Variants in LDLRAD4 observed in about 807,000 individuals in gnomAD.
LDLRAD4 encodes the protein low-density lipoprotein receptor class A domain-containing protein 4.
Under a neutral mutation model 17.0 loss-of-function variants are expected in LDLRAD4, and 5 were observed. That is an observed-to-expected ratio of 0.29 (90% CI 0.15 to 0.62). The LOEUF is 0.62. LDLRAD4 is among the 20% of genes least tolerant of loss of function. The probability of loss-of-function intolerance (pLI) is 0.84; values close to 1 mark genes in which losing one functional copy is unlikely to be tolerated. For synonymous variants in LDLRAD4, 168 were observed against 171.8 expected, an observed-to-expected ratio of 0.98 and a Z score of 0.17; for missense variants, 340 against 424.7, an observed-to-expected ratio of 0.80 and a Z score of 1.75.
chr18:13,612,262 A>C, intron 3 of LDLRAD4: 1 of 1,000,680 alleles, frequency 1.0e-6, no homozygotes, highest in Non-Finnish European at 1.2e-6. Flanking sequence ...TGACACGTCC[A>C]GGTGTGAGGC....
rs1331213276 is a variant in LDLRAD4 at position 13,300,197 on chromosome 18, G to A, written c.-383+22009G>A. On this transcript the variant is annotated intron_variant, in intron 1 of 5. Transcript: ENST00000359446. The surrounding 1 kb of genome is among the most constrained non-coding windows in gnomAD (Gnocchi z 4.2). ...CTGGAGAGCCGTGGTTCCAGGGCCA[G>A]CAGGTGCCTCCTTACAGTTGGAGTC... is the stretch of plus-strand genomic sequence containing the variant. 6.6e-6 allele frequency among the ~76,000 whole-genome samples: 1 copy of A among 152,226 alleles called. No individual in the cohort carries two copies. The highest frequency in any genetic ancestry group is 2.4e-5 in the African/African-American group (1 of 41,452).
chr18:13,519,191 G>T (rs1323143400), intron 3 of LDLRAD4, among the ~76,000 whole-genome samples: 2 of 152,140 alleles, frequency 1.3e-5, no homozygotes, highest in Admixed American at 1.3e-4. Context: ...TTTTCTTACT[G>T]TCATTTTAAA....
chr18:13,528,745 T>C (rs551327907), intron 3 of LDLRAD4, among the ~76,000 whole-genome samples: 1 of 152,366 alleles, frequency 6.6e-6, no homozygotes, highest in Non-Finnish European at 1.5e-5. Flanking sequence ...GTTGCAGAGT[T>C]AGATTCTGCA....
intron 3 of LDLRAD4, among the ~76,000 whole-genome samples, chr18:13,456,578 T>C (rs578012378): frequency 2.7e-4 from 41 of 152,320 alleles, no homozygotes; most frequent in African/African-American, 9.9e-4. Context: ...AGATTATGAG[T>C]AAATCCCTCC....
At chr18:13,432,175 C>G (rs1568141693) in intron 2 of LDLRAD4, among the ~76,000 whole-genome samples, 1 of 152,222 alleles carries the variant, frequency 6.6e-6, no homozygotes, top group Non-Finnish European at 1.5e-5. Context: ...ACGGCATTCC[C>G]ATGCTGTCAG....
intron 1 of LDLRAD4, among the ~76,000 whole-genome samples, chr18:13,356,430 G>C (rs1221913091): frequency 6.6e-6 from 1 of 152,206 alleles, no homozygotes; most frequent in Non-Finnish European, 1.5e-5. Context: ...CTTATTTTTA[G>C]TATCTATTTT....
chr18:13,252,862 C>T (rs1055666452), intron 1 of LDLRAD4, among the ~76,000 whole-genome samples: 6 of 152,220 alleles, frequency 3.9e-5, no homozygotes, highest in African/African-American at 1.2e-4. Context: ...TTGCGCTGTT[C>T]CTAGAATAGT....
chr18:13,407,176 G>A (rs1465188967), intron 2 of LDLRAD4, among the ~76,000 whole-genome samples: 1 of 152,182 alleles, frequency 6.6e-6, no homozygotes, highest in Non-Finnish European at 1.5e-5. Context: ...ACTTGTGCAT[G>A]AGTGTGCGAC....
intron 3 of LDLRAD4, among the ~76,000 whole-genome samples, chr18:13,574,583 G>A (rs1431712576): frequency 6.6e-6 from 1 of 152,136 alleles, no homozygotes; most frequent in Non-Finnish European, 1.5e-5. Flanking sequence ...TCTGTCTCAG[G>A]GTTAACTTTC....
At chr18:13,231,449 G>T (rs528032570) in intron 1 of LDLRAD4, among the ~76,000 whole-genome samples, 3 of 152,176 alleles carry the variant, frequency 2.0e-5, no homozygotes, top group Non-Finnish European at 4.4e-5. Flanking sequence ...GTCTGGTTCT[G>T]GTGTGGAGCG....
chr18:13,329,300 C>T (rs2081715403), intron 1 of LDLRAD4, among the ~76,000 whole-genome samples: 1 of 152,218 alleles, frequency 6.6e-6, no homozygotes, highest in African/African-American at 2.4e-5. Context: ...TGTTTCTCTG[C>T]ATCTTTGCCA....
At chr18:13,538,420 C>T (rs1424782884) in intron 3 of LDLRAD4, among the ~76,000 whole-genome samples, 1 of 151,998 alleles carries the variant, frequency 6.6e-6, no homozygotes, top group East Asian at 1.9e-4. Context: ...ATTTTTTTCA[C>T]CCATTTTAAA....
chr18:13,295,619 T>G (rs183261828), intron 1 of LDLRAD4, among the ~76,000 whole-genome samples: 6 of 152,232 alleles, frequency 3.9e-5, no homozygotes, highest in Non-Finnish European at 8.8e-5. Context: ...TTAAGCATTG[T>G]ATACTGACTG....
At chr18:13,642,691 C>T (rs1267929748) in intron 4 of LDLRAD4, 3 of 1,231,490 alleles carry the variant, frequency 2.4e-6, no homozygotes, top group African/African-American at 1.6e-5. Context: ...CTCAACCCAG[C>T]CTGCCCTCAT....
intron 2 of LDLRAD4, among the ~76,000 whole-genome samples, chr18:13,427,716 C>A (rs1002237307): frequency 6.6e-6 from 1 of 152,166 alleles, no homozygotes; most frequent in Non-Finnish European, 1.5e-5. Context: ...CAGGAGAGAA[C>A]GATTCCATAA....
intron 3 of LDLRAD4, among the ~76,000 whole-genome samples, chr18:13,609,425 C>T (rs555721693): frequency 1.4e-4 from 22 of 152,274 alleles, no homozygotes; most frequent in Non-Finnish European, 2.8e-4. Flanking sequence ...CCCTCAGAGG[C>T]GCTGGGAGAG....
chr18:13,486,969 T>A (rs1370371961), intron 3 of LDLRAD4: 1 of 152,224 alleles, frequency 6.6e-6, no homozygotes, highest in Non-Finnish European at 1.5e-5. Context: ...ACGCTTGCTG[T>A]CTTCTCATTT....
chr18:13,594,684 A>AT (rs2148577564), intron 3 of LDLRAD4, among the ~76,000 whole-genome samples: 1 of 149,908 alleles, frequency 6.7e-6, no homozygotes, highest in East Asian at 2.0e-4. Flanking sequence ...AAAAAAAAAA[A>AT]AAAAAGAAAC....
In LDLRAD4 at chr18:13,532,993, C is replaced by T. The variant is rs546771306; in HGVS notation, c.182-88124C>T. On this transcript the variant is annotated intron_variant, in intron 3 of 5. Coordinates refer to ENST00000359446, the Ensembl canonical transcript of LDLRAD4. ...AAAACAACACTCGGGAAATGAGCCT[C>T]GTTTGGCTGGAAATAGTGTGCCAGT... Among the ~76,000 whole-genome samples the T allele has an allele frequency of 2.2e-4, 33 of 152,324 alleles. No individual in the cohort carries two copies. In the East Asian group the frequency reaches 2.5e-3, roughly 12 times the overall value.
Sources: gnomAD v4.1 joint callset for allele counts (sites outside exome capture counted in the v4.1 genomes callset) on GRCh38, gnomAD v4.1.1 for gene constraint, Gnocchi (gnomAD v3.1) non-coding constraint, MANE v1.5 for transcripts, NCBI Gene and HGNC (gene_info 2026-07-23, HGNC 2026-07-21) for gene names.